The following IRF3 variants were observed in gnomAD, a reference collection of about 807,000 sequenced individuals.
IRF3 encodes the protein interferon regulatory factor 3.
A neutral mutation model predicts 43.2 loss-of-function variants in IRF3; 29 were observed. That is an observed-to-expected ratio of 0.67 (90% confidence interval 0.50 to 0.91). The LOEUF (loss-of-function observed/expected upper bound fraction) is 0.91. Among genes scored for constraint, IRF3 ranks in the 40% least tolerant of loss-of-function variants. The pLI, the probability that IRF3 is intolerant of heterozygous loss-of-function variation, is 0.00. For synonymous variants in IRF3, 228 were observed against 233.9 expected (o/e 0.97, Z 0.23); for missense variants, 505 against 559.1 (o/e 0.90, Z 0.98).
In IRF3 at chr19:49,660,765, C is replaced by T; in HGVS notation, c.1046G>A (p.Gly349Glu). Reference protein sequence around the residue: ...SPRYALWFCVGESWPQDQPWT... With the variant: ...SPRYALWFCVEESWPQDQPWT... ...CGGCTGGTCCTGGGGCCATGACTCCCCCACACAGAACCAGAGGGCATAGCG... is the reference window on the plus strand; with the variant it reads ...CGGCTGGTCCTGGGGCCATGACTCCTCCACACAGAACCAGAGGGCATAGCG... The change falls in exon 7 of 8, where the codon GGG (glycine) becomes GAG (glutamate). Residue 349 changes from glycine (G) to glutamate (E), a missense_variant. By Grantham distance (98) the Gly-to-Glu change is moderately conservative. Transcript: ENST00000377139. The T allele has an allele frequency of 1.2e-6, 2 of 1,611,288 alleles. No homozygotes were observed. Among genetic ancestry groups the T allele is most frequent in the Non-Finnish European group, 1.7e-6 (2 of 1,179,004 alleles).
At chr19:49,660,093 AACACACACACAC>A (rs140415851) in intron 7 of IRF3, among the ~76,000 whole-genome samples, 1 of 130,592 alleles carries the variant, frequency 7.7e-6, no homozygotes, top group African/African-American at 3.4e-5. Flanking sequence ...CACACACACA[AACACACACACAC>A]ACACACGTCA....
chr19:49,662,958 C>T (rs559169560), intron 4 of IRF3, among the ~76,000 whole-genome samples: 58 of 152,310 alleles, frequency 3.8e-4, no homozygotes, highest in Non-Finnish European at 5.9e-4. Context: ...CAGCCCCCTG[C>T]GAATCGAAAT....
intron 2 of IRF3, chr19:49,663,889 T>C (rs545680677): frequency 6.7e-4 from 171 of 253,966 alleles, no homozygotes; most frequent in African/African-American, 3.8e-3. Flanking sequence ...AGAGATGGGG[T>C]TTCACCATGT....
chr19:49,662,351 T>A, intron 5 of IRF3, 23 bp from the exon 6 acceptor site: 1 of 1,611,060 alleles, frequency 6.2e-7, no homozygotes, highest in East Asian at 2.2e-5. Context: ...AGCAGCGGCA[T>A]GAAGGGGAGA....
rs369719708 is a variant in IRF3, at chr19:49,661,036, G to A, written c.983-208C>T. 3.0e-4 allele frequency: 169 copies of A among 561,288 alleles called. 1 individual carries two copies. The South Asian group carries it at 3.4e-3, about 11-fold the overall frequency. The allele number at this position is 561,288 out of a possible 1,614,324, so 34.8% of individuals were successfully genotyped here. On this transcript the variant is annotated intron_variant, in intron 6 of 7. Transcript: ENST00000377139. ...GGTTGTTGGAAGGCCACACCCCCAA[G>A]CCCCCAAGCCTCAGCATTCATAACA... is the stretch of plus-strand genomic sequence containing the variant.
At chr19:49,663,048 A>G (rs757464803) in intron 4 of IRF3, 140 bp downstream of exon 4, 2 of 769,268 alleles carry the variant, frequency 2.6e-6, no homozygotes, top group Non-Finnish European at 4.6e-6. Context: ...AGACCGGGGC[A>G]GGGACAGACA....
At chr19:49,665,172 C>G (rs1435665573) in intron 1 of IRF3, 1 of 300,212 alleles carries the variant, frequency 3.3e-6, no homozygotes, top group African/African-American at 2.2e-5. Context: ...AGGGTAGCAT[C>G]CTCTTTCCCT....
intron 5 of IRF3, 35 bp from the exon 6 acceptor site, chr19:49,662,363 G>A: frequency 1.9e-6 from 3 of 1,608,034 alleles, no homozygotes; most frequent in Admixed American, 1.7e-5. Context: ...AAGGGGAGAG[G>A]GGTTGAGAAT....
In IRF3 at chr19:49,659,619, G is replaced by T. The variant is rs373306574; in HGVS notation, c.*29C>A. The T allele has an allele frequency of 5.6e-6, 9 of 1,596,152 alleles. No individual in the cohort carries two copies. The African/African-American group carries it at 6.7e-5, about 12-fold the overall frequency. On this transcript the variant is annotated 3_prime_UTR_variant, in exon 8 of 8. Coordinates refer to ENST00000377139, the MANE Select transcript of IRF3 (RefSeq NM_001571.6). ...GGTTGAGGTGGTGGGGAACAGGGGG[G>T]TTGGAGGCACACCATGAGGAGCGAG...
chr19:49,663,074 C>G, intron 4 of IRF3, 114 bp downstream of exon 4: 2 of 942,128 alleles, frequency 2.1e-6, no homozygotes, highest in Non-Finnish European at 3.5e-6. Context: ...AGCACTGGCT[C>G]AGGTGAGGGG....
intron 2 of IRF3, 75 bp downstream of exon 2, chr19:49,664,599 A>C: frequency 6.2e-7 from 1 of 1,605,010 alleles, no homozygotes; most frequent in Non-Finnish European, 8.5e-7. Context: ...CCGCCTTCTC[A>C]GCCGGGCCCA....
At chr19:49,660,018 CA>C (rs2081227201) in intron 7 of IRF3, among the ~76,000 whole-genome samples, 185 bp from the exon 8 acceptor site, 3 of 121,750 alleles carry the variant, frequency 2.5e-5, no homozygotes, top group Non-Finnish European at 4.9e-5. Flanking sequence ...CACACACACA[CA>C]CACACACACC....
In IRF3 at chr19:49,665,834, C is replaced by T. The variant is rs1453286867; in HGVS notation, c.-212G>A. 1 of 1,596,694 alleles carries T rather than the reference C, an allele frequency of 6.3e-7. No individual in the cohort carries two copies. The highest frequency in any genetic ancestry group is 1.3e-5 in the African/African-American group (1 of 74,608). On this transcript the variant is annotated 5_prime_UTR_variant, in exon 1 of 8. Transcript: ENST00000377139. ...CAGACCCAAAAGCCGATGGGACGGC[C>T]CGCTGGGCTGTTCCCGCCCCTATGC...
In IRF3 at chr19:49,665,677, T is replaced by C. The variant is rs1294013801; in HGVS notation, c.-55A>G. The C allele has an allele frequency of 1.8e-6, 2 of 1,122,936 alleles. No individual in the cohort carries two copies. Among genetic ancestry groups the C allele is most frequent in the African/African-American group, 1.6e-5 (1 of 63,790 alleles). 69.6% of individuals were successfully genotyped at this position (1,122,936 alleles called of 1,614,324 possible). ...TGCGGGCAGCTGGAACCCACCCCTG[T>C]CTTGGAGCTCCGGGTAGCTCTCAAA... is the stretch of plus-strand genomic sequence containing the variant. On this transcript the variant is annotated 5_prime_UTR_variant, in exon 1 of 8. Transcript: ENST00000377139.
In IRF3 at chr19:49,662,395, C is replaced by T. The variant is rs775618656; in HGVS notation, c.601+30G>A. 6 of 1,592,414 alleles carry T rather than the reference C, an allele frequency of 3.8e-6. No homozygotes were observed. In the East Asian group the frequency reaches 1.3e-4, roughly 36 times the overall value. On this transcript the variant is annotated intron_variant, in intron 5 of 7. Transcript: ENST00000377139. ...GAATCAGGGGCTGCCGCCCAGACCT[C>T]AGCCCTCCCAGCCTGCAGCTGACAC...
chr19:49,663,359 G>A lies in IRF3; in HGVS notation c.321C>T (p.Tyr107=). The A allele has an allele frequency of 4.3e-6, 7 of 1,614,200 alleles. No homozygotes were observed. The highest frequency in any genetic ancestry group is 5.1e-6 in the Non-Finnish European group (6 of 1,180,030). ...CTGGCAGACCTGAGTTCACAAACTC[G>A]TAGATTTTATGTGGGTCGTGAGGGT... ...SKDPHDPHKI[Y]EFVNSGVGDF... The change falls in exon 3 of 8, where the codon TAC becomes TAT. Residue 107 remains tyrosine, a synonymous_variant. Coordinates refer to ENST00000377139, the MANE Select transcript of IRF3 (RefSeq NM_001571.6).
intron 1 of IRF3, 146 bp from the exon 2 acceptor site, chr19:49,664,992 TTCCCATCC>T (rs981327505): frequency 7.7e-5 from 62 of 810,092 alleles, no homozygotes; most frequent in African/African-American, 5.7e-4. Context: ...AAACCTCCTC[TTCCCATCC>T]TCCCATCCTC....
chr19:49,663,287 G>A, intron 3 of IRF3, 29 bp from the exon 4 acceptor site: 1 of 1,613,934 alleles, frequency 6.2e-7, no homozygotes, highest in Non-Finnish European at 8.5e-7. Context: ...AGGGGAGTAG[G>A]AGTGCCAGGA....
At position 49,663,462 on chromosome 19, in the gene IRF3, A is replaced by G. The variant is rs778130760; in HGVS notation, c.218T>C (p.Leu73Pro). The change falls in exon 3 of 8, where the codon CTG becomes CCG. Residue 73 changes from leucine (L) to proline (P), a missense_variant. Transcript: ENST00000377139. ...AYVPGRDKPDLPTWKRNFRSA... is the reference protein window; with the variant it reads ...AYVPGRDKPDPPTWKRNFRSA... ...GCGGAAATTCCTCTTCCAGGTTGGC[A>G]GGTCTGGCTTATCCCTCCCGGGAAC... 1.2e-6 allele frequency: 2 copies of G among 1,614,194 alleles called. No individual in the cohort carries two copies. The highest frequency in any genetic ancestry group is 1.7e-6 in the Non-Finnish European group (2 of 1,180,038).
Sources: gnomAD v4.1 joint callset for allele counts (sites outside exome capture counted in the v4.1 genomes callset) on GRCh38, gnomAD v4.1.1 for gene constraint, MANE v1.5 for transcripts, NCBI Gene and HGNC (gene_info 2026-07-23, HGNC 2026-07-21) for gene names.